The following FBXL18 variants were observed in gnomAD, a reference collection of about 807,000 sequenced individuals.
The protein encoded by FBXL18 is F-box/LRR-repeat protein 18.
Under a neutral mutation model 46.0 loss-of-function variants are expected in FBXL18, and 36 were observed. The observed-to-expected ratio is 0.78, with a 90% confidence interval of 0.60 to 1.03. The LOEUF (loss-of-function observed/expected upper bound fraction) is 1.03. Among genes scored for constraint, FBXL18 ranks in the 50% least tolerant of loss-of-function variants. The probability of loss-of-function intolerance (pLI) is 0.00; values close to 1 mark genes in which losing one functional copy is unlikely to be tolerated. For synonymous variants in FBXL18, 557 were observed against 465.3 expected (o/e 1.20, Z -2.54); for missense variants, 977 against 1,004.1 (o/e 0.97, Z 0.36).
chr7:5,489,972 T>C (rs549721562), intron 4 of FBXL18: 4 of 1,279,212 alleles, frequency 3.1e-6, no homozygotes, highest in South Asian at 2.5e-5. Context: ...AAAAGATTGA[T>C]GCATAGTCTA....
Position 5,489,206 on chromosome 7 carries a change from T to C in FBXL18, c.2000+2025A>G, listed in dbSNP as rs745787466. 1.4e-5 allele frequency: 7 copies of C among 514,166 alleles called. No homozygotes were observed. In the East Asian group the frequency reaches 2.7e-4, roughly 20 times the overall value. The allele number at this position is 514,166 out of a possible 1,614,324, so 31.9% of individuals were successfully genotyped here. A position where few individuals can be genotyped will look rare whatever the true frequency, so the allele number is the denominator to read the frequency against. ...AATAATCACTTAGGGCTTTATTTAC[T>C]GACACAAGAGGACTCCACGGTGTAG... On this transcript the variant is annotated intron_variant, in intron 4 of 4. Transcript: ENST00000382368.
chr7:5,508,365 C>T (rs1784444747), intron 1 of FBXL18, among the ~76,000 whole-genome samples: 1 of 151,478 alleles, frequency 6.6e-6, no homozygotes, highest in Admixed American at 6.6e-5. Context: ...ATTACTTGAA[C>T]CCAGGAGGCA....
intron 4 of FBXL18, among the ~76,000 whole-genome samples, chr7:5,454,867 G>C (rs925486369): frequency 9.2e-5 from 14 of 152,324 alleles, no homozygotes; most frequent in African/African-American, 2.6e-4. Flanking sequence ...GGCCACCCGA[G>C]CTGCCAGTGA....
intron 4 of FBXL18, among the ~76,000 whole-genome samples, chr7:5,470,713 C>A (rs1270475269): frequency 4.9e-5 from 1 of 20,534 alleles, no homozygotes; most frequent in South Asian, 3.0e-3. Flanking sequence ...GGGGAGATGT[C>A]CCCTTCCCGG....
At position 5,462,993 on chromosome 7, in the gene FBXL18, T is replaced by A. The variant is rs1562671853; in HGVS notation, c.2001-15150A>T. Among the ~76,000 whole-genome samples, 15 of 44,502 alleles carry A rather than the reference T, an allele frequency of 3.4e-4. 1 individual carries two copies. Among genetic ancestry groups the A allele is most frequent in the Non-Finnish European group, 6.5e-4 (13 of 19,936 alleles). The allele number at this position is 44,502 out of a possible 152,430, so 29.2% of individuals were successfully genotyped here. On this transcript the variant is annotated intron_variant and NMD_transcript_variant, in intron 4 of 6. Coordinates refer to the FBXL18 transcript ENST00000415009. ...AAATATATATATATATATATATATA[T>A]ATAATATATATACACACACACATGC...
intron 3 of FBXL18, among the ~76,000 whole-genome samples, chr7:5,492,549 C>A (rs1447255302): frequency 1.3e-5 from 2 of 151,966 alleles, no homozygotes; most frequent in African/African-American, 4.8e-5. Flanking sequence ...CGCCCCCCCA[C>A]ACACACACTA....
At position 5,477,139 on chromosome 7, in the gene FBXL18, A is replaced by C. The variant is rs1447433240; in HGVS notation, c.*4636T>G. The C allele has an allele frequency of 6.6e-6, 1 of 152,078 alleles. No individual in the cohort carries two copies. The highest frequency in any genetic ancestry group is 6.6e-5 in the Admixed American group (1 of 15,262). 9.4% of individuals were successfully genotyped at this position (152,078 alleles called of 1,614,324 possible). On this transcript the variant is annotated 3_prime_UTR_variant, in exon 5 of 5. Coordinates refer to ENST00000382368, the MANE Select transcript of FBXL18 (RefSeq NM_024963.6). This position sits in a 1 kb window ranked among gnomAD's most constrained non-coding sequence, Gnocchi z 4.4. ...CCTGACCTCATGATCCGCCTGCCTC[A>C]GCCTCCTAAAGTGCTGGGATTACAG...
rs1784602229 is a variant in FBXL18, at chr7:5,513,736, G to C, written c.-62C>G. On this transcript the variant is annotated 5_prime_UTR_variant, in exon 1 of 5. Transcript: ENST00000382368. ...CAACCCCGTGCCTCCCACCTGCCCG[G>C]CTAGGGATGCTCGAAGCCGGCGCGT... 2.5e-6 allele frequency: 4 copies of C among 1,568,780 alleles called. No homozygotes were observed. Among genetic ancestry groups the C allele is most frequent in the Non-Finnish European group, 3.5e-6 (4 of 1,157,256 alleles).
At chr7:5,471,751 A>G (rs1444238741), downstream of FBXL18, among the ~76,000 whole-genome samples, 2 of 152,216 alleles carry the variant, frequency 1.3e-5, no homozygotes, top group Non-Finnish European at 2.9e-5. Flanking sequence ...GACTCCAGGT[A>G]CAGACCCCTG....
At position 5,481,655 on chromosome 7, in the gene FBXL18, G is replaced by T; in HGVS notation, c.*120C>A. 1 of 1,045,112 alleles carries T rather than the reference G, an allele frequency of 9.6e-7. No homozygotes were observed. Among genetic ancestry groups the T allele is most frequent in the Non-Finnish European group, 1.4e-6 (1 of 706,282 alleles). The allele number at this position is 1,045,112 out of a possible 1,614,324, so 64.7% of individuals were successfully genotyped here. On this transcript the variant is annotated 3_prime_UTR_variant, in exon 5 of 5. Transcript: ENST00000382368. Reference sequence around the variant, plus strand: ...ACGCCGGGAGCCCCAGGAGCCAGGTGGGGCGTGGCTGGCCGGGAGAGAGGC... The same window carrying T: ...ACGCCGGGAGCCCCAGGAGCCAGGTTGGGCGTGGCTGGCCGGGAGAGAGGC...
In FBXL18 at chr7:5,513,756, G is replaced by C; in HGVS notation, c.-82C>G. On this transcript the variant is annotated 5_prime_UTR_variant, in exon 1 of 5. Coordinates refer to ENST00000382368, the MANE Select transcript of FBXL18 (RefSeq NM_024963.6). Reference sequence around the variant, plus strand: ...GCCCGGCTAGGGATGCTCGAAGCCGGCGCGTCCACCGCTCAACCGAGACCC... The same window carrying C: ...GCCCGGCTAGGGATGCTCGAAGCCGCCGCGTCCACCGCTCAACCGAGACCC... 6.5e-7 allele frequency: 1 copy of C among 1,539,286 alleles called. No homozygotes were observed.
At chr7:5,508,124 G>A (rs1784438476) in intron 1 of FBXL18, among the ~76,000 whole-genome samples, 2 of 152,108 alleles carry the variant, frequency 1.3e-5, no homozygotes, top group Admixed American at 1.3e-4. Context: ...AAACTAGCCA[G>A]GCGTGGTGGC....
intron 4 of FBXL18, among the ~76,000 whole-genome samples, chr7:5,458,135 C>T (rs1783196820): frequency 6.6e-6 from 1 of 151,916 alleles, no homozygotes; most frequent in Non-Finnish European, 1.5e-5. Context: ...GGGACCGTTT[C>T]AGGATTTGGC....
intron 1 of FBXL18, among the ~76,000 whole-genome samples, chr7:5,507,143 T>C (rs145292868): frequency 6.2e-4 from 94 of 152,324 alleles, no homozygotes; most frequent in African/African-American, 2.0e-3. Flanking sequence ...CACGACCCTC[T>C]GGCTCCAGCC....
chr7:5,478,071 A>C lies in FBXL18; in HGVS notation c.*3704T>G, dbSNP rs1463308035. 1 of 152,390 alleles carries C rather than the reference A, an allele frequency of 6.6e-6. No individual in the cohort carries two copies. The highest frequency in any genetic ancestry group is 1.5e-5 in the Non-Finnish European group (1 of 68,184). 9.4% of individuals were successfully genotyped at this position (152,390 alleles called of 1,614,324 possible). A position where few individuals can be genotyped will look rare whatever the true frequency, so the allele number is the denominator to read the frequency against. ...TGAGGGAGGGCGCTGCTGAGCTGGCAGGCAACCCTTGTGTGTTTGCAGCGC... is the reference window on the plus strand; with the variant it reads ...TGAGGGAGGGCGCTGCTGAGCTGGCCGGCAACCCTTGTGTGTTTGCAGCGC... On this transcript the variant is annotated 3_prime_UTR_variant, in exon 5 of 5. Transcript: ENST00000382368.
At chr7:5,503,031 G>C (rs1444159002) in intron 2 of FBXL18, among the ~76,000 whole-genome samples, 1 of 152,196 alleles carries the variant, frequency 6.6e-6, no homozygotes, top group Non-Finnish European at 1.5e-5. Flanking sequence ...TCCATCAACA[G>C]GTGGATGGAT....
At chr7:5,470,671 CG>C (rs1783412817) in intron 4 of FBXL18, among the ~76,000 whole-genome samples, 5 of 152,260 alleles carry the variant, frequency 3.3e-5, no homozygotes, top group Admixed American at 3.3e-4. Flanking sequence ...CTCCGACCCC[CG>C]GCCCAGAGGC....
chr7:5,472,774 G>A (rs779844327), downstream of FBXL18, among the ~76,000 whole-genome samples: 36 of 152,274 alleles, frequency 2.4e-4, no homozygotes, highest in South Asian at 1.0e-3. Context: ...CAGATAACTC[G>A]TAGTGCCATC....
chr7:5,457,647 C>T (rs1359803333), intron 4 of FBXL18, among the ~76,000 whole-genome samples: 1 of 152,186 alleles, frequency 6.6e-6, no homozygotes, highest in Non-Finnish European at 1.5e-5. Flanking sequence ...GAGGGTCAAG[C>T]TGTATTTTAA....
Sources: allele counts gnomAD v4.1 joint callset (sites outside exome capture counted in the v4.1 genomes callset), GRCh38; gene constraint gnomAD v4.1.1; non-coding constraint Gnocchi (gnomAD v3.1); transcripts MANE v1.5; gene names NCBI Gene and HGNC (gene_info 2026-07-23, HGNC 2026-07-21).